The following C12orf42 variants were observed in gnomAD, a reference collection of about 807,000 sequenced individuals.
The protein encoded by C12orf42 is uncharacterized protein C12orf42.
A neutral mutation model predicts 21.6 loss-of-function variants in C12orf42; 25 were observed. The observed-to-expected ratio is 1.16, with a 90% CI of 0.84 to 1.62. The LOEUF (loss-of-function observed/expected upper bound fraction) is 1.62. Ranked by LOEUF, C12orf42 falls within the 40% of genes most tolerant of loss-of-function variation. C12orf42 has a pLI of 0.00. For missense variants in C12orf42, 483 were observed against 459.3 expected (o/e 1.05, Z -0.47); for synonymous variants, 174 against 175.0 (o/e 0.99, Z 0.05).
At chr12:103,288,762 G>C (rs181032341) in intron 4 of C12orf42, among the ~76,000 whole-genome samples, 1 of 152,080 alleles carries the variant, frequency 6.6e-6, no homozygotes, top group African/African-American at 2.4e-5. Flanking sequence ...GGTTCTGAAT[G>C]ATGGATAAAC....
the C12orf42 span, among the ~76,000 whole-genome samples, chr12:103,181,612 G>T: frequency 6.6e-6 from 1 of 152,226 alleles, no homozygotes; most frequent in East Asian, 1.9e-4. Flanking sequence ...GCAGACATCA[G>T]TTCTCATGGG....
intron 3 of C12orf42, among the ~76,000 whole-genome samples, chr12:103,379,592 T>C (rs1017256509): frequency 6.6e-6 from 1 of 152,234 alleles, no homozygotes; most frequent in Non-Finnish European, 1.5e-5. Flanking sequence ...TCTGTAGCGA[T>C]GGGGTTTGGA....
intron 4 of C12orf42, among the ~76,000 whole-genome samples, chr12:103,336,738 CT>C (rs1288645833): frequency 1.3e-5 from 2 of 151,992 alleles, no homozygotes; most frequent in African/African-American, 4.8e-5. Flanking sequence ...TGAGCAAAGT[CT>C]TTTTTTTATA....
the C12orf42 span, among the ~76,000 whole-genome samples, chr12:103,098,694 G>T: frequency 1.3e-5 from 2 of 152,124 alleles, no homozygotes; most frequent in African/African-American, 4.8e-5. Context: ...CCTAAGAGAG[G>T]CACCAAAAAG....
At chr12:103,277,721 G>A (rs1275373708) in intron 4 of C12orf42, among the ~76,000 whole-genome samples, 2 of 151,672 alleles carry the variant, frequency 1.3e-5, no homozygotes, top group East Asian at 1.9e-4. Context: ...CCGGGTTCAC[G>A]CCATTCTCCT....
At position 103,478,368 on chromosome 12, in the gene C12orf42, G is replaced by T. The variant is rs764626876; in HGVS notation, c.59C>A (p.Pro20His). ...REEEFLLTIRPFANRMQKSPC... is the reference protein window; with the variant it reads ...REEEFLLTIRHFANRMQKSPC... ...CATTACCTGCATCCTGTTTGCAAAA[G>T]GTCTGATGGTTAGCAAGAATTCTTC... Residue 20 changes from proline to histidine, a missense_variant, in exon 2 of 6, where the codon CCT becomes CAT. Coordinates refer to ENST00000548883, the MANE Select transcript of C12orf42 (RefSeq NM_198521.5). The T allele has an allele frequency of 3.2e-5, 52 of 1,602,332 alleles. No homozygotes were observed. The highest frequency in any genetic ancestry group is 4.3e-5 in the Non-Finnish European group (50 of 1,172,852).
chr12:103,263,522 G>A (rs1480802137), intron 9 of C12orf42, among the ~76,000 whole-genome samples: 1 of 152,034 alleles, frequency 6.6e-6, no homozygotes, highest in East Asian at 1.9e-4. Flanking sequence ...GAGTACCCAT[G>A]AGCCCTGAAT....
chr12:103,096,965 G>C, the C12orf42 span, among the ~76,000 whole-genome samples: 1 of 152,276 alleles, frequency 6.6e-6, no homozygotes, highest in East Asian at 1.9e-4. Context: ...AATATATTGT[G>C]ATGTTGATAG....
chr12:103,529,301 T>C, the C12orf42 span, among the ~76,000 whole-genome samples: 5 of 152,218 alleles, frequency 3.3e-5, no homozygotes. Context: ...GCCCATAGGA[T>C]TGCTTTTAAA....
Position 103,354,383 on chromosome 12 carries a change from T to TG in C12orf42, c.259+14503_259+14504insC, listed in dbSNP as rs146669103. Among the ~76,000 whole-genome samples the TG allele has an allele frequency of 3.3e-3, 501 of 152,254 alleles. 3 individuals are homozygous for TG. Among genetic ancestry groups the TG allele is most frequent in the African/African-American group, 0.011 (476 of 41,566 alleles). On this transcript the variant is annotated intron_variant, in intron 4 of 5. Coordinates refer to ENST00000548883, the MANE Select transcript of C12orf42 (RefSeq NM_198521.5). ...CACCTTTCAGCCTCCCATCTGCCCATTTCTCCAAGTCATGGTCCCTATGCT... is the reference window on the plus strand; with the variant it reads ...CACCTTTCAGCCTCCCATCTGCCCATGTTCTCCAAGTCATGGTCCCTATGCT...
chr12:103,524,096 T>C, the C12orf42 span, among the ~76,000 whole-genome samples: 2 of 152,178 alleles, frequency 1.3e-5, no homozygotes, highest in African/African-American at 4.8e-5. Context: ...GGGTTTAAGG[T>C]GTAACAGAAT....
the C12orf42 span, among the ~76,000 whole-genome samples, chr12:103,175,829 T>C: frequency 6.6e-6 from 1 of 152,094 alleles, no homozygotes; most frequent in African/African-American, 2.4e-5. Flanking sequence ...ACCAAGTGGA[T>C]GATTAAATCA....
chr12:103,434,680 G>T (rs1950531808), intron 2 of C12orf42, among the ~76,000 whole-genome samples: 1 of 152,178 alleles, frequency 6.6e-6, no homozygotes, highest in Non-Finnish European at 1.5e-5. Flanking sequence ...CCCGAATATT[G>T]CGCTTTTCGG....
chr12:103,287,894 G>A (rs1036633077), intron 4 of C12orf42, among the ~76,000 whole-genome samples: 15 of 151,998 alleles, frequency 9.9e-5, no homozygotes, highest in African/African-American at 3.4e-4. Context: ...CTGAAAGCCC[G>A]GAGCTGGAGC....
At chr12:103,508,977 G>C in the C12orf42 span, among the ~76,000 whole-genome samples, 2 of 152,172 alleles carry the variant, frequency 1.3e-5, no homozygotes, top group African/African-American at 4.8e-5. Context: ...ACTCTCGCAA[G>C]AACTCTTTGA....
At chr12:103,418,243 C>T (rs568329215) in intron 2 of C12orf42, among the ~76,000 whole-genome samples, 5 of 152,186 alleles carry the variant, frequency 3.3e-5, no homozygotes, top group African/African-American at 4.8e-5. Flanking sequence ...ATTATCAATT[C>T]GTGAACACAG....
intron 2 of C12orf42, among the ~76,000 whole-genome samples, chr12:103,412,239 C>A (rs1034189063): frequency 6.6e-6 from 1 of 152,174 alleles, no homozygotes; most frequent in Non-Finnish European, 1.5e-5. Flanking sequence ...ATATTGAACA[C>A]CAAGCCCATT....
At chr12:103,495,666 G>A (rs1955497657) in intron 1 of C12orf42, 1 of 151,996 alleles carries the variant, frequency 6.6e-6, no homozygotes, top group Admixed American at 6.5e-5. Flanking sequence ...GGTGGGGGTT[G>A]GGGCGGGGGA....
chr12:103,322,323 A>G (rs528328134), intron 4 of C12orf42, among the ~76,000 whole-genome samples: 1 of 152,244 alleles, frequency 6.6e-6, no homozygotes, highest in African/African-American at 2.4e-5. Context: ...ACTTGCACTC[A>G]TACTTGGACA....
Sources: gnomAD v4.1 joint callset for allele counts (sites outside exome capture counted in the v4.1 genomes callset) on GRCh38, gnomAD v4.1.1 for gene constraint, MANE v1.5 for transcripts, NCBI Gene and HGNC (gene_info 2026-07-23, HGNC 2026-07-21) for gene names.